ANK1: variants seen among roughly 807,000 people sequenced by gnomAD.
ANK1 encodes the protein ankyrin-1.
In ANK1, 51 loss-of-function variants were observed where a neutral mutation model predicts 210.4. That is an observed-to-expected ratio of 0.24 (90% CI 0.19 to 0.31). The LOEUF (loss-of-function observed/expected upper bound fraction) is 0.31, where lower values mean the gene tolerates loss of function less well. Ranked by LOEUF, ANK1 falls within the 10% of genes least tolerant of loss-of-function variation. ANK1 has a pLI of 1.00. For synonymous variants in ANK1, 967 were observed against 1,025.9 expected (o/e 0.94, Z 1.10); for missense variants, 2,051 against 2,504.4 (o/e 0.82, Z 3.86).
chr8:41,693,868 G>A (rs1374434390), intron 29 of ANK1, 30 bp downstream of exon 29: 1 of 1,581,896 alleles, frequency 6.3e-7, no homozygotes, highest in Non-Finnish European at 8.6e-7. Flanking sequence ...CAGCAGCCGA[G>A]AACAGAAGCG....
intron 1 of ANK1, among the ~76,000 whole-genome samples, chr8:41,768,450 A>C (rs566835565): frequency 1.3e-5 from 2 of 152,342 alleles, no homozygotes; most frequent in East Asian, 3.9e-4. Flanking sequence ...TAGCTGATGG[A>C]CATACTGCAT....
Position 41,718,166 on chromosome 8 carries a change from G to A in ANK1, c.1146C>T (p.Asn382=), listed in dbSNP as rs944262020. Residue 382 remains asparagine (N), a synonymous_variant, in exon 11 of 43, where the codon AAC becomes AAT. Coordinates refer to ENST00000289734, the MANE Select transcript of ANK1 (RefSeq NM_000037.4). ...GCAGCAGCTCCATGACACGGACGTG[G>A]TTCTTTTTGCAGGCGATGTGTAAGG... ...FTPLHIACKK[N]HVRVMELLLK... The A allele has an allele frequency of 1.2e-6, 2 of 1,613,930 alleles. No individual in the cohort carries two copies. The highest frequency in any genetic ancestry group is 1.7e-6 in the Non-Finnish European group (2 of 1,180,012).
chr8:41,759,008 G>A (rs1839840460), intron 1 of ANK1, among the ~76,000 whole-genome samples: 1 of 152,048 alleles, frequency 6.6e-6, no homozygotes, highest in Admixed American at 6.6e-5. Context: ...TGGGATTACA[G>A]GCATAAGCCA....
At chr8:41,837,022 G>A (rs753893165) in intron 1 of ANK1, among the ~76,000 whole-genome samples, 5 of 151,998 alleles carry the variant, frequency 3.3e-5, no homozygotes, top group East Asian at 1.9e-4. Context: ...GTTGTGTGAC[G>A]TCCCCCCAAG....
intron 1 of ANK1, among the ~76,000 whole-genome samples, chr8:41,852,162 G>T (rs1312897301): frequency 1.2e-4 from 18 of 152,196 alleles, no homozygotes; most frequent in Non-Finnish European, 2.5e-4. Flanking sequence ...AAAGTTAGGG[G>T]TTCTGGGCCT....
In ANK1 at chr8:41,699,560, A is replaced by G. The variant is rs1822098508; in HGVS notation, c.2462-12T>C. ...GATGAGTTCTTCCCCTGAAACAGCA[A>G]GAGCTCAAGTGAGCGACGGGGTAGA... On this transcript the variant is annotated splice_polypyrimidine_tract_variant and intron_variant, in intron 22 of 42. Coordinates refer to ENST00000289734, the MANE Select transcript of ANK1 (RefSeq NM_000037.4). 5.0e-6 allele frequency: 8 copies of G among 1,613,306 alleles called. No individual in the cohort carries two copies. Among genetic ancestry groups the G allele is most frequent in the South Asian group, 3.3e-5 (3 of 91,078 alleles).
chr8:41,664,082 T>G lies in ANK1; in HGVS notation c.5395-340A>C, dbSNP rs750809530. ...AAGTGAGGCACCTGTTTCCTATTTT[T>G]ACAGCACTTTGCAGTATAGAAAAGC... On this transcript the variant is annotated intron_variant, in intron 39 of 42. Coordinates refer to ENST00000289734, the MANE Select transcript of ANK1 (RefSeq NM_000037.4). 5.7e-4 allele frequency: 278 copies of G among 484,296 alleles called. 1 individual carries two copies. The highest frequency in any genetic ancestry group is 6.7e-4 in the Non-Finnish European group (164 of 245,694). The allele number at this position is 484,296 out of a possible 1,614,324, so 30.0% of individuals were successfully genotyped here.
chr8:41,876,148 C>T (rs985899556), intron 1 of ANK1, among the ~76,000 whole-genome samples: 4 of 152,124 alleles, frequency 2.6e-5, no homozygotes, highest in African/African-American at 7.2e-5. Context: ...GGCCGCCCTC[C>T]CTCGCTGGGC....
intron 2 of ANK1, among the ~76,000 whole-genome samples, chr8:41,752,773 C>T (rs985138708): frequency 2.0e-5 from 3 of 147,128 alleles, no homozygotes; most frequent in Non-Finnish European, 4.5e-5. Context: ...CCACACGTCC[C>T]TCCTGCGCTG....
intron 6 of ANK1, among the ~76,000 whole-genome samples, chr8:41,725,084 A>G (rs1388963126): frequency 1.3e-5 from 2 of 152,158 alleles, no homozygotes; most frequent in African/African-American, 4.8e-5. Context: ...CTGGTCTCCA[A>G]TTCCTGGGCT....
Position 41,688,525 on chromosome 8 carries a change from C to T in ANK1, c.4169G>A (p.Ser1390Asn), listed in dbSNP as rs1818327623. ...TPLALRYSIL[S>N]ESTPGSLSGT... is the part of the protein sequence containing the mutation. ...AGAGGCCGTACCTGGTGTGGACTCA[C>T]TGAGAATGCTGTATCGCAGGGCCAG... The change falls in exon 34 of 43, where the codon AGT becomes AAT. Residue 1390 changes from serine to asparagine, a missense_variant. Transcript: ENST00000289734. 5 of 1,614,078 alleles carry T rather than the reference C, an allele frequency of 3.1e-6. No homozygotes were observed. The highest frequency in any genetic ancestry group is 4.2e-6 in the Non-Finnish European group (5 of 1,180,018).
chr8:41,784,057 C>CAAA (rs34846355), intron 1 of ANK1, among the ~76,000 whole-genome samples: 1 of 140,388 alleles, frequency 7.1e-6, no homozygotes, highest in Non-Finnish European at 1.5e-5. Flanking sequence ...GACCCTATCT[C>CAAA]AAAAAAAAAA....
chr8:41,690,241 G>A lies in ANK1; in HGVS notation c.4090C>T (p.Pro1364Ser), dbSNP rs559026469. 4.3e-6 allele frequency: 7 copies of A among 1,614,108 alleles called. No individual in the cohort carries two copies. The highest frequency in any genetic ancestry group is 5.9e-6 in the Non-Finnish European group (7 of 1,180,050). The change falls in exon 33 of 43, where the codon CCC (proline) becomes TCC (serine). Residue 1364 changes from proline (P) to serine (S), a missense_variant. By Grantham distance (74) the Pro-to-Ser change is moderately conservative. Coordinates refer to ENST00000289734, the MANE Select transcript of ANK1 (RefSeq NM_000037.4). ...HILCHLNITM[P>S]PCAKGSGAED... is the part of the protein sequence containing the mutation. ...TGCCAGCTCACCTTGGCGCAGGGGGGCATGGTGATGTTCAGGTGGCAGAGA... is the reference window on the plus strand; with the variant it reads ...TGCCAGCTCACCTTGGCGCAGGGGGACATGGTGATGTTCAGGTGGCAGAGA...
At chr8:41,664,313 AT>A in intron 39 of ANK1, 1 of 370,334 alleles carries the variant, frequency 2.7e-6, no homozygotes, top group Non-Finnish European at 5.3e-6. Context: ...CTCTACAAAA[AT>A]TTTTTTAAAA....
chr8:41,728,641 G>A (rs1194205417), intron 3 of ANK1, among the ~76,000 whole-genome samples: 1 of 152,220 alleles, frequency 6.6e-6, no homozygotes, highest in South Asian at 2.1e-4. Flanking sequence ...GTGACACTGA[G>A]ATGTGCGGTT....
chr8:41,764,286 C>T (rs13273560), intron 1 of ANK1, among the ~76,000 whole-genome samples: 15,512 of 152,172 alleles, frequency 0.1, 923 homozygotes, highest in South Asian at 0.15. Context: ...TCTTTACCAT[C>T]GTGTTCTGCT....
chr8:41,664,269 C>A, intron 39 of ANK1: 1 of 420,694 alleles, frequency 2.4e-6, no homozygotes, highest in Admixed American at 2.9e-5. Flanking sequence ...CCCAGGAGTT[C>A]AAGACCAATT....
At position 41,695,202 on chromosome 8, in the gene ANK1, A is replaced by G. The variant is rs767844059; in HGVS notation, c.3090T>C (p.Asp1030=). ...HRSRYGESYL[D]QILNGMDEEL... Reference sequence around the variant, plus strand: ...CTTCGTCCATCCCGTTGAGGATCTGATCCAGGTAGCTCTCTCCATAGCGGC... The same window carrying G: ...CTTCGTCCATCCCGTTGAGGATCTGGTCCAGGTAGCTCTCTCCATAGCGGC... Residue 1030 remains aspartate, a synonymous_variant, in exon 27 of 43, where the codon GAT becomes GAC. Coordinates refer to ENST00000289734, the MANE Select transcript of ANK1 (RefSeq NM_000037.4). 6 of 1,613,868 alleles carry G rather than the reference A, an allele frequency of 3.7e-6. No individual in the cohort carries two copies. The highest frequency in any genetic ancestry group is 1.3e-5 in the African/African-American group (1 of 74,856).
intron 1 of ANK1, among the ~76,000 whole-genome samples, chr8:41,863,366 A>G (rs1813679879): frequency 6.6e-6 from 1 of 152,222 alleles, no homozygotes; most frequent in Non-Finnish European, 1.5e-5. Flanking sequence ...CTCATTAAAA[A>G]AAAAGAAAAA....
Sources: gnomAD v4.1 joint callset for allele counts (sites outside exome capture counted in the v4.1 genomes callset) on GRCh38, gnomAD v4.1.1 for gene constraint, MANE v1.5 for transcripts, NCBI Gene and HGNC (gene_info 2026-07-23, HGNC 2026-07-21) for gene names.